Variants in XRCC5 observed in about 807,000 individuals in gnomAD.
XRCC5 encodes the protein X-ray repair cross complementing 5.
In XRCC5, 12 loss-of-function variants were observed where a neutral mutation model predicts 95.7. The ratio of observed to expected loss-of-function variants is 0.13; its 90% confidence interval spans 0.08 to 0.20. The LOEUF is 0.20. Among genes scored for constraint, XRCC5 ranks in the 10% least tolerant of loss-of-function variants. XRCC5 has a pLI of 1.00. For synonymous variants in XRCC5, 281 were observed against 290.3 expected (o/e 0.97, Z 0.33); for missense variants, 595 against 873.9 (o/e 0.68, Z 4.02).
intron 18 of XRCC5, among the ~76,000 whole-genome samples, chr2:216,193,730 C>A (rs752000602): frequency 6.6e-6 from 1 of 152,184 alleles, no homozygotes; most frequent in Non-Finnish European, 1.5e-5. Flanking sequence ...AAGAAACTTA[C>A]AGGTCATATG....
chr2:216,162,213 G>A (rs1688966319), intron 16 of XRCC5, among the ~76,000 whole-genome samples, 165 bp downstream of exon 16: 1 of 152,132 alleles, frequency 6.6e-6, no homozygotes, highest in African/African-American at 2.4e-5. Context: ...GCAACATTAT[G>A]AGCACATGAA....
At chr2:216,184,905 A>G (rs1689466900) in intron 16 of XRCC5, among the ~76,000 whole-genome samples, 1 of 152,098 alleles carries the variant, frequency 6.6e-6, no homozygotes, top group Non-Finnish European at 1.5e-5. Flanking sequence ...TATGCCCTGC[A>G]TCTGAGGGAG....
At chr2:216,150,752 G>T (rs1688727054) in intron 14 of XRCC5, among the ~76,000 whole-genome samples, 1 of 152,108 alleles carries the variant, frequency 6.6e-6, no homozygotes, top group Admixed American at 6.5e-5. Flanking sequence ...AACTGGGCGT[G>T]GTGGTGTGTG....
At chr2:216,140,220 C>T (rs1697150693) in intron 12 of XRCC5, among the ~76,000 whole-genome samples, 1 of 152,170 alleles carries the variant, frequency 6.6e-6, no homozygotes. Flanking sequence ...TATCTGTATG[C>T]TCTTTTATTT....
intron 15 of XRCC5, among the ~76,000 whole-genome samples, chr2:216,160,809 T>G (rs1688938370): frequency 6.6e-6 from 1 of 152,120 alleles, no homozygotes; most frequent in African/African-American, 2.4e-5. Flanking sequence ...AGCCTTGAAA[T>G]CCTGAGCTCA....
Position 216,132,245 on chromosome 2 carries a change from T to A in XRCC5, c.1051-80T>A, listed in dbSNP as rs548571362. ...TGTTTTTCAGTAAGAGGATTTTGAA[T>A]GGAATTTCTTGGCAATGTGTGTCAT... On this transcript the variant is annotated intron_variant, in intron 9 of 20. Coordinates refer to ENST00000392132, the MANE Select transcript of XRCC5 (RefSeq NM_021141.4). 3 of 1,355,210 alleles carry A rather than the reference T, an allele frequency of 2.2e-6. No individual in the cohort carries two copies. The Admixed American group carries it at 5.3e-5, about 24-fold the overall frequency. The allele number at this position is 1,355,210 out of a possible 1,614,324, so 83.9% of individuals were successfully genotyped here.
chr2:216,117,089 A>T, intron 3 of XRCC5: 1 of 520,170 alleles, frequency 1.9e-6, no homozygotes, highest in African/African-American at 1.9e-5. Flanking sequence ...GTTGGGAGGC[A>T]TAGGAAGGGG....
At chr2:216,129,533 A>G (rs1406327423) in intron 8 of XRCC5, among the ~76,000 whole-genome samples, 1 of 152,240 alleles carries the variant, frequency 6.6e-6, no homozygotes, top group Admixed American at 6.5e-5. Flanking sequence ...TTCAAGTAAG[A>G]TGATGACTGA....
At chr2:216,176,292 T>C (rs1689273505) in intron 16 of XRCC5, among the ~76,000 whole-genome samples, 1 of 152,086 alleles carries the variant, frequency 6.6e-6, no homozygotes, top group Non-Finnish European at 1.5e-5. Context: ...CAAACTTTTG[T>C]ATTTTTAGTG....
Position 216,127,682 on chromosome 2 carries a change from A to G in XRCC5, c.937+8A>G, listed in dbSNP as rs762464279. On this transcript the variant is annotated splice_region_variant and intron_variant, in intron 8 of 20. Transcript: ENST00000392132. ...AAGAGGATATTATTCAAGGTATGTCAGTAAGAGTTTTCACTGTTGCCTAAA... is the reference window on the plus strand; with the variant it reads ...AAGAGGATATTATTCAAGGTATGTCGGTAAGAGTTTTCACTGTTGCCTAAA... 1.3e-6 allele frequency: 2 copies of G among 1,590,100 alleles called. No homozygotes were observed. Among genetic ancestry groups the G allele is most frequent in the East Asian group, 2.2e-5 (1 of 44,534 alleles).
intron 14 of XRCC5, among the ~76,000 whole-genome samples, chr2:216,157,787 A>G (rs960277250): frequency 1.3e-5 from 2 of 152,186 alleles, no homozygotes; most frequent in Non-Finnish European, 2.9e-5. Context: ...CAAATTACCC[A>G]TGGTCTCATC....
At chr2:216,112,991 A>G (rs1156928358) in intron 1 of XRCC5, 25 bp from the exon 2 acceptor site, 8 of 1,578,864 alleles carry the variant, frequency 5.1e-6, no homozygotes, top group Non-Finnish European at 6.9e-6. Flanking sequence ...ATTTTCTCAA[A>G]CACTCTTTGG....
At chr2:216,203,203 C>G (rs573675436) in intron 19 of XRCC5, among the ~76,000 whole-genome samples, 11 of 152,296 alleles carry the variant, frequency 7.2e-5, no homozygotes, top group African/African-American at 2.6e-4. Flanking sequence ...GCTCCATGCA[C>G]TCTCAGCCTG....
intron 10 of XRCC5, among the ~76,000 whole-genome samples, chr2:216,132,954 A>T (rs1422614561): frequency 1.3e-5 from 2 of 152,164 alleles, no homozygotes; most frequent in Non-Finnish European, 2.9e-5. Context: ...GAAGATTGCA[A>T]TCTACTATCT....
chr2:216,199,415 GT>G (rs1689792915), intron 19 of XRCC5, among the ~76,000 whole-genome samples: 1 of 152,184 alleles, frequency 6.6e-6, no homozygotes, highest in Non-Finnish European at 1.5e-5. Flanking sequence ...GAAATAGAAA[GT>G]TTTTGCATGG....
At chr2:216,117,608 A>T (rs544831897) in intron 3 of XRCC5, 138 bp from the exon 4 acceptor site, 2 of 717,544 alleles carry the variant, frequency 2.8e-6, no homozygotes, top group South Asian at 1.8e-5. Context: ...ACTTTGGAAG[A>T]AGGGCACTCA....
At chr2:216,146,077 CCTTG>C (rs1214396213) in intron 13 of XRCC5, among the ~76,000 whole-genome samples, 2 of 152,090 alleles carry the variant, frequency 1.3e-5, no homozygotes, top group African/African-American at 4.8e-5. Context: ...TTGGGGATTA[CCTTG>C]CTTTACATTG....
At chr2:216,112,722 A>G (rs1194085828) in intron 1 of XRCC5, among the ~76,000 whole-genome samples, 2 of 152,198 alleles carry the variant, frequency 1.3e-5, no homozygotes, top group African/African-American at 2.4e-5. Flanking sequence ...TTGGCATCAT[A>G]TGTACTCATC....
At chr2:216,145,824 G>A (rs747979038) in intron 13 of XRCC5, among the ~76,000 whole-genome samples, 2 of 152,158 alleles carry the variant, frequency 1.3e-5, no homozygotes, top group Non-Finnish European at 2.9e-5. Context: ...TCCATTGGTT[G>A]TTCTAGCCCT....
Sources: allele counts gnomAD v4.1 joint callset (sites outside exome capture counted in the v4.1 genomes callset), GRCh38; gene constraint gnomAD v4.1.1; transcripts MANE v1.5; gene names NCBI Gene and HGNC (gene_info 2026-07-23, HGNC 2026-07-21).